CHMP2B: variants seen among roughly 807,000 people sequenced by gnomAD.
CHMP2B encodes VPS2 homolog B.
Under a neutral mutation model 29.8 loss-of-function variants are expected in CHMP2B, and 22 were observed. The observed-to-expected ratio is 0.74, with a 90% CI of 0.53 to 1.05. CHMP2B has a LOEUF of 1.05. Ranked by LOEUF, CHMP2B falls within the 50% of genes least tolerant of loss-of-function variation. The probability of loss-of-function intolerance (pLI) is 0.00; values close to 1 mark genes in which losing one functional copy is unlikely to be tolerated. For synonymous variants in CHMP2B, 78 were observed against 75.8 expected (o/e 1.03, Z -0.15); for missense variants, 261 against 252.2 (o/e 1.03, Z -0.24).
At chr3:87,236,913 T>A (rs1706025420) in intron 1 of CHMP2B, among the ~76,000 whole-genome samples, 1 of 152,098 alleles carries the variant, frequency 6.6e-6, no homozygotes, top group Non-Finnish European at 1.5e-5. Context: ...CTAGTTGAGT[T>A]TAGGGAGTCC....
At chr3:87,232,001 TA>T (rs1705917348) in intron 1 of CHMP2B, among the ~76,000 whole-genome samples, 1 of 152,186 alleles carries the variant, frequency 6.6e-6, no homozygotes, top group South Asian at 2.1e-4. Flanking sequence ...AATGAAAATA[TA>T]TCTGCAAGAG....
At chr3:87,242,800 G>T (rs1369300088) in intron 2 of CHMP2B, among the ~76,000 whole-genome samples, 2 of 152,098 alleles carry the variant, frequency 1.3e-5, no homozygotes, top group Non-Finnish European at 2.9e-5. Context: ...TTACATGACT[G>T]CTTTTAAGCT....
intron 3 of CHMP2B, among the ~76,000 whole-genome samples, chr3:87,249,115 TC>T (rs1706267849): frequency 6.6e-6 from 1 of 152,160 alleles, no homozygotes; most frequent in South Asian, 2.1e-4. Context: ...AGCCTGTTGG[TC>T]CTAGGCTACA....
At chr3:87,246,434 G>T (rs1375659597) in intron 3 of CHMP2B, among the ~76,000 whole-genome samples, 1 of 152,126 alleles carries the variant, frequency 6.6e-6, no homozygotes, top group Admixed American at 6.5e-5. Context: ...ACCGCGCCCA[G>T]CCAACAATCC....
At chr3:87,244,319 C>T (rs1460185237) in intron 2 of CHMP2B, among the ~76,000 whole-genome samples, 3 of 151,830 alleles carry the variant, frequency 2.0e-5, no homozygotes, top group Non-Finnish European at 2.9e-5. Flanking sequence ...GTTGGGATTA[C>T]AGGCGTGAGC....
chr3:87,236,920 G>A (rs1032804888), intron 1 of CHMP2B, among the ~76,000 whole-genome samples: 8 of 152,060 alleles, frequency 5.3e-5, no homozygotes, highest in Admixed American at 4.6e-4. Context: ...AGTTTAGGGA[G>A]TCCTTAGTCC....
Position 87,253,407 on chromosome 3 carries a change from A to G in CHMP2B, c.428A>G (p.Asn143Ser), listed in dbSNP as rs63750944. The G allele has an allele frequency of 4.5e-5, 71 of 1,592,938 alleles. No individual in the cohort carries two copies. Among genetic ancestry groups the G allele is most frequent in the South Asian group, 1.3e-4 (12 of 90,674 alleles). ...MKMEMTEEMI[N>S]DTLDDIFDGS... ...CTCCTTCTCCCATATCCCCTAGTCA[A>G]TGATACACTTGATGACATCTTTGAC... The change falls in exon 5 of 6, where the codon AAT becomes AGT. Residue 143 changes from asparagine (N) to serine (S), a missense_variant. By Grantham distance (46) the Asn-to-Ser change is conservative. Transcript: ENST00000263780.
chr3:87,254,741 G>T lies in CHMP2B; in HGVS notation c.*919G>T, dbSNP rs1453028473. 6.6e-6 allele frequency: 1 copy of T among 151,518 alleles called. No individual in the cohort carries two copies. Among genetic ancestry groups the T allele is most frequent in the Non-Finnish European group, 1.5e-5 (1 of 67,774 alleles). 9.4% of individuals were successfully genotyped at this position (151,518 alleles called of 1,614,324 possible). A position where few individuals can be genotyped will look rare whatever the true frequency, so the allele number is the denominator to read the frequency against. ...ATATATTTTGGCCATCTAAAAATGA[G>T]AATTATAATTATATGAATTATAATT... On this transcript the variant is annotated 3_prime_UTR_variant, in exon 6 of 6. Transcript: ENST00000263780.
intron 1 of CHMP2B, among the ~76,000 whole-genome samples, chr3:87,235,375 G>C (rs143426391): frequency 1.3e-5 from 2 of 151,928 alleles, no homozygotes; most frequent in African/African-American, 4.8e-5. Flanking sequence ...CTATTGTCTC[G>C]TATGAAAATA....
intron 2 of CHMP2B, among the ~76,000 whole-genome samples, chr3:87,241,225 G>A (rs567180981): frequency 3.2e-4 from 48 of 152,230 alleles, no homozygotes; most frequent in African/African-American, 1.2e-3. Flanking sequence ...GACTGGTCTG[G>A]TTCATTTTTA....
In CHMP2B at chr3:87,255,463, A is replaced by C. The variant is rs886058912; in HGVS notation, c.*1641A>C. 2 of 152,386 alleles carry C rather than the reference A, an allele frequency of 1.3e-5. No individual in the cohort carries two copies. Among genetic ancestry groups the C allele is most frequent in the African/African-American group, 2.4e-5 (1 of 41,390 alleles). 9.4% of individuals were successfully genotyped at this position (152,386 alleles called of 1,614,324 possible). A position where few individuals can be genotyped will look rare whatever the true frequency, so the allele number is the denominator to read the frequency against. The stretch of plus-strand genomic sequence containing the variant: ...TTTTCAAAAATTATTTTGTTAAAAA[A>C]TCTCAATAAAGATTTATTATTGTTG... On this transcript the variant is annotated 3_prime_UTR_variant, in exon 6 of 6. Coordinates refer to ENST00000263780, the MANE Select transcript of CHMP2B (RefSeq NM_014043.4).
intron 1 of CHMP2B, among the ~76,000 whole-genome samples, chr3:87,236,570 C>T (rs1437946569): frequency 1.3e-5 from 2 of 151,924 alleles, no homozygotes; most frequent in East Asian, 1.9e-4. Flanking sequence ...CCATCATCAC[C>T]ACCGAGCATG....
intron 1 of CHMP2B, 42 bp downstream of exon 1, chr3:87,227,598 T>G (rs763080668): frequency 1.2e-6 from 2 of 1,613,666 alleles, no homozygotes; most frequent in Non-Finnish European, 1.7e-6. Flanking sequence ...CTCTGCGTTT[T>G]CTCGGCGTCT....
intron 4 of CHMP2B, 73 bp downstream of exon 4, chr3:87,250,050 A>G: frequency 1.1e-6 from 1 of 881,932 alleles, no homozygotes; most frequent in South Asian, 1.6e-5. Context: ...ACTATGTCTC[A>G]TATTCTCATT....
At chr3:87,244,730 G>A (rs1360447093) in intron 2 of CHMP2B, among the ~76,000 whole-genome samples, 1 of 152,012 alleles carries the variant, frequency 6.6e-6, no homozygotes, top group Non-Finnish European at 1.5e-5. Context: ...GTTTTCTGAT[G>A]TAGAATATGG....
chr3:87,246,351 G>C (rs572103035), intron 3 of CHMP2B, among the ~76,000 whole-genome samples: 2 of 152,032 alleles, frequency 1.3e-5, no homozygotes, highest in African/African-American at 4.8e-5. Context: ...TGGCCAGGCT[G>C]GTCTTAAACT....
At position 87,254,580 on chromosome 3, in the gene CHMP2B, A is replaced by G. The variant is rs1265260760; in HGVS notation, c.*758A>G. 2 of 152,052 alleles carry G rather than the reference A, an allele frequency of 1.3e-5. No homozygotes were observed. Among genetic ancestry groups the G allele is most frequent in the African/African-American group, 4.8e-5 (2 of 41,280 alleles). 9.4% of individuals were successfully genotyped at this position (152,052 alleles called of 1,614,324 possible). On this transcript the variant is annotated 3_prime_UTR_variant, in exon 6 of 6. Coordinates refer to ENST00000263780, the MANE Select transcript of CHMP2B (RefSeq NM_014043.4). ...TGAAATATGTACTCTTATTTTAGAC[A>G]CGCCTCTGTTAAAACAGACCAGGTT...
rs188291299 is a variant in CHMP2B, at chr3:87,252,415, A to G, written c.425-989A>G. The stretch of plus-strand genomic sequence containing the variant: ...AGACATTTGCCATTTATGTACCTTA[A>G]ATAACAACCAAACAGAAGAACTTAT... On this transcript the variant is annotated intron_variant, in intron 4 of 5. Transcript: ENST00000263780. Among the ~76,000 whole-genome samples, 416 of 151,728 alleles carry G rather than the reference A, an allele frequency of 2.7e-3. 1 individual carries two copies. The highest frequency in any genetic ancestry group is 4.4e-3 in the Admixed American group (67 of 15,202).
chr3:87,253,564 C>A, intron 5 of CHMP2B, 54 bp downstream of exon 5: 1 of 1,396,762 alleles, frequency 7.2e-7, no homozygotes, highest in South Asian at 1.2e-5. Context: ...CCACGTTTGT[C>A]ACTTAATTGT....
Sources: allele counts gnomAD v4.1 joint callset (sites outside exome capture counted in the v4.1 genomes callset), GRCh38; gene constraint gnomAD v4.1.1; transcripts MANE v1.5; gene names NCBI Gene and HGNC (gene_info 2026-07-23, HGNC 2026-07-21).